AUTS2: variants seen among roughly 807,000 people sequenced by gnomAD.
AUTS2 encodes the protein autism susceptibility gene 2 protein.
AUTS2 carries 17 observed loss-of-function variants against 112.4 expected under a neutral mutation model. The observed-to-expected ratio is 0.15, with a 90% confidence interval of 0.10 to 0.23. AUTS2 has a LOEUF of 0.23. AUTS2 is among the 10% of genes least tolerant of loss of function. The pLI is 1.00. For synonymous variants in AUTS2, 751 were observed against 702.7 expected, an observed-to-expected ratio of 1.07 and a Z score of -1.09; for missense variants, 1,510 against 1,701.6, an observed-to-expected ratio of 0.89 and a Z score of 1.98.
chr7:70,468,992 A>G (rs766559406), intron 5 of AUTS2, among the ~76,000 whole-genome samples: 4 of 152,224 alleles, frequency 2.6e-5, no homozygotes, highest in Non-Finnish European at 4.4e-5. Flanking sequence ...GCCCTATATA[A>G]AATAATCGTC....
chr7:70,657,788 C>T (rs192214420), intron 5 of AUTS2, among the ~76,000 whole-genome samples: 58 of 152,244 alleles, frequency 3.8e-4, no homozygotes, highest in Middle Eastern at 3.4e-3. Context: ...TCAAGTCATC[C>T]GCATCGTACT....
intron 4 of AUTS2, among the ~76,000 whole-genome samples, chr7:70,277,220 T>G (rs1403401093): frequency 6.6e-6 from 1 of 152,126 alleles, no homozygotes; most frequent in African/African-American, 2.4e-5. Context: ...AATTGAAGCC[T>G]TTGGATGATC....
intron 5 of AUTS2, among the ~76,000 whole-genome samples, chr7:70,575,818 C>T (rs973404058): frequency 3.3e-5 from 5 of 152,108 alleles, no homozygotes; most frequent in South Asian, 2.1e-4. Flanking sequence ...CAGGTTGTTG[C>T]GCTGCCTGCA....
intron 2 of AUTS2, among the ~76,000 whole-genome samples, chr7:69,963,131 G>C (rs1797497676): frequency 6.6e-6 from 1 of 152,126 alleles, no homozygotes; most frequent in Non-Finnish European, 1.5e-5. Flanking sequence ...GAAATGGAAG[G>C]AGAAGGAGTT....
intron 4 of AUTS2, among the ~76,000 whole-genome samples, chr7:70,410,656 A>AC (rs1044165221): frequency 5.9e-5 from 9 of 151,444 alleles, no homozygotes; most frequent in Non-Finnish European, 1.2e-4. Context: ...CTCAGGCTCA[A>AC]GTGATCCGCC....
At chr7:69,880,295 C>T (rs1414908645) in intron 1 of AUTS2, among the ~76,000 whole-genome samples, 3 of 152,176 alleles carry the variant, frequency 2.0e-5, no homozygotes, top group Non-Finnish European at 4.4e-5. Flanking sequence ...GGCCTTACTT[C>T]CAATACTGGG....
Position 69,599,443 on chromosome 7 carries a change from C to G in AUTS2, c.-211C>G, listed in dbSNP as rs1161498699. The G allele has an allele frequency of 7.2e-6, 3 of 414,240 alleles. No individual in the cohort carries two copies. The highest frequency in any genetic ancestry group is 2.1e-5 in the African/African-American group (1 of 48,170). The allele number at this position is 414,240 out of a possible 1,614,324, so 25.7% of individuals were successfully genotyped here. A position where few individuals can be genotyped will look rare whatever the true frequency, so the allele number is the denominator to read the frequency against. ...CTCGCCTCTCGCCCTCGCTCCCCGT[C>G]CCTCCTCCCCTCTCTCCGCCCCTTC... On this transcript the variant is annotated 5_prime_UTR_variant, in exon 1 of 19. Transcript: ENST00000342771. The surrounding 1 kb of genome is among the most constrained non-coding windows in gnomAD (Gnocchi z 7.0).
At chr7:70,743,286 G>C (rs896932168) in intron 6 of AUTS2, among the ~76,000 whole-genome samples, 3 of 151,972 alleles carry the variant, frequency 2.0e-5, no homozygotes, top group African/African-American at 7.2e-5. Flanking sequence ...TGGCCAACAC[G>C]ATGAAACCCC....
chr7:70,318,630 A>T (rs973490151), intron 4 of AUTS2, among the ~76,000 whole-genome samples: 1 of 152,224 alleles, frequency 6.6e-6, no homozygotes, highest in African/African-American at 2.4e-5. Flanking sequence ...CATTGGGACC[A>T]TGAGTTCTGT....
chr7:69,852,800 A>G (rs1792548855), intron 1 of AUTS2, among the ~76,000 whole-genome samples: 1 of 152,228 alleles, frequency 6.6e-6, no homozygotes, highest in East Asian at 1.9e-4. Context: ...TACCGTTAGT[A>G]CTGCTTGTGT....
At chr7:70,014,267 C>T (rs1799932189) in intron 2 of AUTS2, among the ~76,000 whole-genome samples, 1 of 152,190 alleles carries the variant, frequency 6.6e-6, no homozygotes, top group Non-Finnish European at 1.5e-5. Flanking sequence ...GAGGCATACA[C>T]TTTACATCTA....
chr7:70,298,734 T>TGATTTGGTATTCTGTC (rs1789062805), intron 4 of AUTS2, among the ~76,000 whole-genome samples: 1 of 152,192 alleles, frequency 6.6e-6, no homozygotes, highest in African/African-American at 2.4e-5. Context: ...TTAACCCAAA[T>TGATTTGGTATTCTGTC]TAACACATGC....
chr7:70,783,891 G>A (rs1284282006), intron 15 of AUTS2: 1 of 152,190 alleles, frequency 6.6e-6, no homozygotes, highest in Non-Finnish European at 1.5e-5. Flanking sequence ...AAGGCCTTTA[G>A]AAATGTCCTT....
intron 3 of AUTS2, among the ~76,000 whole-genome samples, chr7:70,125,680 C>T (rs1805933827): frequency 6.6e-6 from 1 of 152,156 alleles, no homozygotes; most frequent in Non-Finnish European, 1.5e-5. Flanking sequence ...TCAGGGATTC[C>T]ACCTGGGTCA....
chr7:69,751,666 A>G (rs941841249), intron 1 of AUTS2, among the ~76,000 whole-genome samples: 1 of 152,340 alleles, frequency 6.6e-6, no homozygotes, highest in Non-Finnish European at 1.5e-5. Flanking sequence ...ATGTAGACAT[A>G]TAATAGTTAC....
intron 2 of AUTS2, among the ~76,000 whole-genome samples, chr7:69,907,803 G>A (rs1460156609): frequency 6.6e-6 from 1 of 152,222 alleles, no homozygotes; most frequent in Non-Finnish European, 1.5e-5. Flanking sequence ...AGAGAAGAAG[G>A]AAGAGAGAGG....
intron 6 of AUTS2, among the ~76,000 whole-genome samples, chr7:70,721,025 C>A (rs957828072): frequency 4.6e-5 from 7 of 151,908 alleles, no homozygotes; most frequent in Non-Finnish European, 1.0e-4. Context: ...TGATTTCAGG[C>A]AAAAATGAAA....
chr7:70,076,982 GA>G (rs1315821270), intron 2 of AUTS2, among the ~76,000 whole-genome samples: 1 of 152,034 alleles, frequency 6.6e-6, no homozygotes, highest in African/African-American at 2.4e-5. Flanking sequence ...AGCCTAGGGG[GA>G]TATATGATAA....
chr7:70,063,374 G>A (rs889543039), intron 2 of AUTS2, among the ~76,000 whole-genome samples: 5 of 151,970 alleles, frequency 3.3e-5, no homozygotes, highest in African/African-American at 1.2e-4. Flanking sequence ...ACATTTAACA[G>A]GATGTTATGT....
Sources: gnomAD v4.1 joint callset for allele counts (sites outside exome capture counted in the v4.1 genomes callset) on GRCh38, gnomAD v4.1.1 for gene constraint, Gnocchi (gnomAD v3.1) non-coding constraint, MANE v1.5 for transcripts, NCBI Gene and HGNC (gene_info 2026-07-23, HGNC 2026-07-21) for gene names.